The following PTCHD4 variants were observed in gnomAD, a reference collection of about 807,000 sequenced individuals.
The protein encoded by PTCHD4 is patched domain-containing protein 4.
Under a neutral mutation model 58.1 loss-of-function variants are expected in PTCHD4, and 33 were observed. The observed-to-expected ratio is 0.57, with a 90% confidence interval of 0.43 to 0.76. PTCHD4 has a LOEUF of 0.76. PTCHD4 is among the 30% of genes least tolerant of loss of function. The probability of loss-of-function intolerance (pLI) is 0.00; values close to 1 mark genes in which losing one functional copy is unlikely to be tolerated. For synonymous variants in PTCHD4, 478 were observed against 409.6 expected (o/e 1.17, Z -2.02); for missense variants, 1,058 against 1,027.1 (o/e 1.03, Z -0.41).
intron 4 of PTCHD4, 74 bp from the exon 5 acceptor site, chr6:47,880,010 A>G (rs1763974154): frequency 1.7e-6 from 2 of 1,199,078 alleles, no homozygotes; most frequent in Non-Finnish European, 2.3e-6. Context: ...CTTATAGTTT[A>G]TCTATGCTAA....
intron 3 of PTCHD4, among the ~76,000 whole-genome samples, chr6:48,025,923 G>A (rs145870413): frequency 1.3e-5 from 2 of 152,138 alleles, no homozygotes; most frequent in African/African-American, 4.8e-5. Context: ...AAAATAAAGA[G>A]ATCTCCCTAG....
intron 3 of PTCHD4, among the ~76,000 whole-genome samples, chr6:48,065,601 C>A (rs1764767017): frequency 6.6e-6 from 1 of 152,104 alleles, no homozygotes; most frequent in African/African-American, 2.4e-5. Flanking sequence ...AGTTCTGATC[C>A]TGGGAGCCCC....
intron 4 of PTCHD4, among the ~76,000 whole-genome samples, chr6:47,969,203 A>G (rs1767409857): frequency 6.6e-6 from 1 of 152,194 alleles, no homozygotes; most frequent in South Asian, 2.1e-4. Flanking sequence ...TTCATCCCGT[A>G]AACTTCAGGA....
At chr6:48,053,429 CACAA>C (rs1179769050) in intron 3 of PTCHD4, among the ~76,000 whole-genome samples, 6 of 152,154 alleles carry the variant, frequency 3.9e-5, no homozygotes, top group East Asian at 1.9e-4. Flanking sequence ...GTTGCAAAAT[CACAA>C]ACAAACAATG....
chr6:47,884,026 T>G (rs916357279), intron 4 of PTCHD4, among the ~76,000 whole-genome samples: 1 of 152,110 alleles, frequency 6.6e-6, no homozygotes, highest in South Asian at 2.1e-4. Flanking sequence ...CACAGAAAAC[T>G]GCTGTTAACA....
intron 4 of PTCHD4, chr6:47,899,936 C>T (rs1158327528): frequency 6.6e-6 from 1 of 152,218 alleles, no homozygotes; most frequent in Admixed American, 6.5e-5. Flanking sequence ...TTTCAATGCT[C>T]ATCCATATTG....
intron 4 of PTCHD4, among the ~76,000 whole-genome samples, chr6:47,999,521 A>C (rs1401900045): frequency 6.6e-6 from 1 of 152,166 alleles, no homozygotes; most frequent in Non-Finnish European, 1.5e-5. Context: ...GACATTTCTA[A>C]TACTGTAAAG....
At chr6:48,000,161 C>A (rs186665785) in intron 4 of PTCHD4, among the ~76,000 whole-genome samples, 169 of 152,260 alleles carry the variant, frequency 1.1e-3, no homozygotes, top group Non-Finnish European at 2.0e-3. Flanking sequence ...TCTGTTGGAA[C>A]AGAGGTGGCA....
intron 3 of PTCHD4, among the ~76,000 whole-genome samples, chr6:48,031,946 C>G (rs938118005): frequency 6.6e-6 from 1 of 152,044 alleles, no homozygotes; most frequent in Admixed American, 6.6e-5. Flanking sequence ...GAATTCCCTC[C>G]AGTCAAGTTG....
intron 1 of PTCHD4, among the ~76,000 whole-genome samples, chr6:48,108,860 T>C (rs944460411): frequency 1.3e-5 from 2 of 151,308 alleles, no homozygotes; most frequent in East Asian, 1.9e-4. Context: ...AAAACATTAA[T>C]AAACAAAATA....
rs536680572 is a variant in PTCHD4 at position 47,857,851 on chromosome 6, C to A, written c.*20452G>T. On this transcript the variant is annotated 3_prime_UTR_variant, in exon 5 of 5. Coordinates refer to ENST00000339488, the MANE Select transcript of PTCHD4 (RefSeq NM_001384253.1). ...TTACAAGCTGGTACTTTAACATCTACCTCCCAAAGTTAATTTCATTATAAT... is the reference window on the plus strand; with the variant it reads ...TTACAAGCTGGTACTTTAACATCTAACTCCCAAAGTTAATTTCATTATAAT... 6.6e-6 allele frequency among the ~76,000 whole-genome samples: 1 copy of A among 151,908 alleles called. No individual in the cohort carries two copies. Among genetic ancestry groups the A allele is most frequent in the South Asian group, 2.1e-4 (1 of 4,814 alleles).
At chr6:48,108,340 C>A (rs1280179729) in intron 1 of PTCHD4, among the ~76,000 whole-genome samples, 1 of 152,074 alleles carries the variant, frequency 6.6e-6, no homozygotes, top group Admixed American at 6.6e-5. Context: ...TCTCAGCAAA[C>A]TATCGCAAGG....
rs374574374 is a variant in PTCHD4, at chr6:47,859,624, C to T, written c.*18679G>A. On this transcript the variant is annotated 3_prime_UTR_variant, in exon 5 of 5. Coordinates refer to ENST00000339488, the MANE Select transcript of PTCHD4 (RefSeq NM_001384253.1). ...ACCCTTCAGGGTACTGGGCTTATAG[C>T]AGTTTACAGAGCAGAAAAATATCTC... is the stretch of plus-strand genomic sequence containing the variant. 4.0e-4 allele frequency among the ~76,000 whole-genome samples: 48 copies of T among 120,604 alleles called. No individual in the cohort carries two copies. In the East Asian group the frequency reaches 4.3e-3, roughly 11 times the overall value. 79.1% of individuals were successfully genotyped at this position (120,604 alleles called of 152,430 possible).
rs1241765067 is a variant in PTCHD4 at position 47,944,687 on chromosome 6, G to GCTATT, written c.898+63946_898+63947insAATAG. ...TAGTCATCATGTTATTCTTTAGGCT[G>GCTATT]CTGTAATTACATCTCTGTTTGCAAT... On this transcript the variant is annotated intron_variant, in intron 4 of 4. Transcript: ENST00000339488. Among the ~76,000 whole-genome samples the GCTATT allele has an allele frequency of 2.6e-5, 4 of 152,186 alleles. No individual in the cohort carries two copies. In the East Asian group the frequency reaches 7.7e-4, roughly 29 times the overall value.
rs540176950 is a variant in PTCHD4 at position 47,866,354 on chromosome 6, A to C, written c.*11949T>G. ...CGCTATAGGATATATTGATTTAAGT[A>C]GTCTGGCATGAAGTCTGGGCATTGA... On this transcript the variant is annotated 3_prime_UTR_variant, in exon 5 of 5. Transcript: ENST00000339488. Among the ~76,000 whole-genome samples, 1 of 152,038 alleles carries C rather than the reference A, an allele frequency of 6.6e-6. No homozygotes were observed. The highest frequency in any genetic ancestry group is 2.4e-5 in the African/African-American group (1 of 41,552).
At chr6:48,096,419 C>T (rs1343714444) in intron 1 of PTCHD4, among the ~76,000 whole-genome samples, 1 of 151,968 alleles carries the variant, frequency 6.6e-6, no homozygotes, top group Admixed American at 6.6e-5. Flanking sequence ...CAAGACCAGC[C>T]TGGACGAAAT....
intron 4 of PTCHD4, among the ~76,000 whole-genome samples, chr6:47,987,779 AT>A (rs111389891): frequency 0.027 from 3,892 of 142,230 alleles, 63 homozygotes; most frequent in African/African-American, 0.044. Flanking sequence ...GTCACATAAC[AT>A]TTTTTTTTTT....
chr6:48,054,505 G>T (rs1365921130), intron 3 of PTCHD4, among the ~76,000 whole-genome samples: 1 of 152,010 alleles, frequency 6.6e-6, no homozygotes, highest in African/African-American at 2.4e-5. Flanking sequence ...AATCATACAA[G>T]AATTATTTCT....
chr6:48,095,620 C>G (rs1229957230), intron 1 of PTCHD4, among the ~76,000 whole-genome samples: 1 of 151,392 alleles, frequency 6.6e-6, no homozygotes, highest in Non-Finnish European at 1.5e-5. Flanking sequence ...ACCCGGGAGG[C>G]AGAGCTTGCA....
Sources: gnomAD v4.1 joint callset for allele counts (sites outside exome capture counted in the v4.1 genomes callset) on GRCh38, gnomAD v4.1.1 for gene constraint, MANE v1.5 for transcripts, NCBI Gene and HGNC (gene_info 2026-07-23, HGNC 2026-07-21) for gene names.